PPP4R1: variants seen among roughly 807,000 people sequenced by gnomAD.
PPP4R1 encodes protein phosphatase 4 regulatory subunit 1.
PPP4R1 carries 42 observed loss-of-function variants against 111.2 expected under a neutral mutation model. The ratio of observed to expected loss-of-function variants is 0.38; its 90% CI spans 0.29 to 0.49. The LOEUF (loss-of-function observed/expected upper bound fraction) is 0.49, where lower values mean the gene tolerates loss of function less well. PPP4R1 is among the 20% of genes least tolerant of loss of function. PPP4R1 has a pLI of 0.97. For missense variants in PPP4R1, 1,012 were observed against 1,161.6 expected, an observed-to-expected ratio of 0.87 and a Z score of 1.87; for synonymous variants, 409 against 405.5, an observed-to-expected ratio of 1.01 and a Z score of -0.10.
chr18:9,555,945 G>A (rs1198693109), intron 15 of PPP4R1, among the ~76,000 whole-genome samples: 7 of 150,980 alleles, frequency 4.6e-5, no homozygotes, highest in South Asian at 2.1e-4. Flanking sequence ...GACCATCCTG[G>A]CCAACACGGT....
chr18:9,598,890 G>C (rs891304312), intron 2 of PPP4R1, among the ~76,000 whole-genome samples: 2 of 152,000 alleles, frequency 1.3e-5, no homozygotes, highest in African/African-American at 4.8e-5. Flanking sequence ...GCTGGGCATG[G>C]TGGCGTGCAC....
Position 9,557,217 on chromosome 18 carries a change from T to G in PPP4R1, c.2190+4A>C. Reference sequence around the variant, plus strand: ...GTTTTTATGCAAAAAAATTTAAAAGTTACCTTCAGAAAATCATGCAAGTGT... The same window carrying G: ...GTTTTTATGCAAAAAAATTTAAAAGGTACCTTCAGAAAATCATGCAAGTGT... On this transcript the variant is annotated splice_donor_region_variant and intron_variant, in intron 15 of 19. Transcript: ENST00000400556. The G allele has an allele frequency of 1.3e-6, 2 of 1,568,332 alleles. No homozygotes were observed. The highest frequency in any genetic ancestry group is 1.7e-6 in the Non-Finnish European group (2 of 1,164,478).
intron 19 of PPP4R1, 54 bp downstream of exon 19, chr18:9,549,143 T>C: frequency 6.3e-7 from 1 of 1,581,524 alleles, no homozygotes; most frequent in African/African-American, 1.3e-5. Flanking sequence ...TCCAGTGCAG[T>C]CCACAGACCT....
intron 4 of PPP4R1, 43 bp from the exon 5 acceptor site, chr18:9,588,896 G>T: frequency 6.3e-7 from 1 of 1,597,956 alleles, no homozygotes; most frequent in South Asian, 1.1e-5. Context: ...TTCTCCTGCA[G>T]CAACAAAACC....
intron 3 of PPP4R1, 198 bp from the exon 4 acceptor site, chr18:9,594,072 C>T (rs2067254356): frequency 1.5e-5 from 7 of 482,206 alleles, no homozygotes; most frequent in Non-Finnish European, 2.7e-5. Flanking sequence ...AGACTACAGG[C>T]ATGCACCACC....
intron 2 of PPP4R1, among the ~76,000 whole-genome samples, chr18:9,610,156 C>T (rs535758390): frequency 2.3e-4 from 35 of 152,352 alleles, no homozygotes; most frequent in African/African-American, 7.9e-4. Flanking sequence ...GTATCTTAGT[C>T]TCATTTCATT....
In PPP4R1 at chr18:9,614,524, G is replaced by T. The variant is rs2067656037; in HGVS notation, c.-40C>A. The T allele has an allele frequency of 9.9e-7, 1 of 1,011,692 alleles. No homozygotes were observed. The highest frequency in any genetic ancestry group is 4.9e-4 in the Middle Eastern group (1 of 2,058). 62.7% of individuals were successfully genotyped at this position (1,011,692 alleles called of 1,614,324 possible). Reference sequence around the variant, plus strand: ...CTCCTCCGCGGCCGCCCGGGGAGCCGGGGCTACATGGAGCGGCGCGAGCCG... The same window carrying T: ...CTCCTCCGCGGCCGCCCGGGGAGCCTGGGCTACATGGAGCGGCGCGAGCCG... On this transcript the variant is annotated 5_prime_UTR_variant, in exon 1 of 20. Transcript: ENST00000400556. The surrounding 1 kb of genome is among the most constrained non-coding windows in gnomAD (Gnocchi z 4.1).
chr18:9,580,620 G>A (rs1451537403), intron 9 of PPP4R1, among the ~76,000 whole-genome samples: 1 of 152,100 alleles, frequency 6.6e-6, no homozygotes, highest in African/African-American at 2.4e-5. Context: ...AAAGTGCTGG[G>A]ATTACAGGTG....
intron 4 of PPP4R1, among the ~76,000 whole-genome samples, chr18:9,592,378 C>T (rs1383072618): frequency 3.9e-5 from 6 of 152,144 alleles, no homozygotes; most frequent in Non-Finnish European, 8.8e-5. Flanking sequence ...ATGCCCTTTT[C>T]CCTCTCTATA....
At chr18:9,570,028 G>GT in intron 11 of PPP4R1, 129 bp downstream of exon 11, 1 of 977,726 alleles carries the variant, frequency 1.0e-6, no homozygotes, top group Non-Finnish European at 1.4e-6. Flanking sequence ...GGTATTATAG[G>GT]TATGAGTCAC....
At chr18:9,572,982 A>G (rs541632732) in intron 10 of PPP4R1, among the ~76,000 whole-genome samples, 1 of 152,318 alleles carries the variant, frequency 6.6e-6, no homozygotes, top group Non-Finnish European at 1.5e-5. Context: ...TGAACCTTTT[A>G]AGGACTTCTA....
At chr18:9,592,900 A>G (rs1469079696) in intron 4 of PPP4R1, among the ~76,000 whole-genome samples, 2 of 152,196 alleles carry the variant, frequency 1.3e-5, no homozygotes, top group African/African-American at 4.8e-5. Context: ...ATACATAAGC[A>G]ATTATGTACA....
intron 15 of PPP4R1, among the ~76,000 whole-genome samples, chr18:9,553,685 G>C (rs545031814): frequency 2.6e-5 from 4 of 152,226 alleles, no homozygotes; most frequent in Middle Eastern, 3.4e-3. Context: ...ACAGTACCCC[G>C]GGCACAGCCT....
chr18:9,555,959 A>T (rs140748247), intron 15 of PPP4R1, among the ~76,000 whole-genome samples: 7,337 of 149,262 alleles, frequency 0.049, 543 homozygotes, highest in African/African-American at 0.16. Context: ...ACACGGTGAA[A>T]CCCCATCTCT....
In PPP4R1 at chr18:9,588,075, G is replaced by A. The variant is rs1337252288; in HGVS notation, c.585+14C>T. ...CCACATTTTGCATAAGTGGAAAAAT[G>A]GCATTTGACTTACAGCCACAGCTTC... On this transcript the variant is annotated intron_variant, in intron 6 of 19. Transcript: ENST00000400556. 6.2e-7 allele frequency: 1 copy of A among 1,613,118 alleles called. No individual in the cohort carries two copies. The highest frequency in any genetic ancestry group is 8.5e-7 in the Non-Finnish European group (1 of 1,179,616).
intron 13 of PPP4R1, among the ~76,000 whole-genome samples, chr18:9,560,412 T>A (rs573028468): frequency 0.19 from 99 of 522 alleles, no homozygotes; most frequent in Non-Finnish European, 0.32. Context: ...CTTGCTTAGG[T>A]GTGTATAAAT....
intron 9 of PPP4R1, among the ~76,000 whole-genome samples, chr18:9,578,794 T>A (rs1006982052): frequency 3.3e-5 from 5 of 152,188 alleles, no homozygotes; most frequent in African/African-American, 1.2e-4. Context: ...CTCCCCTTCG[T>A]AAGTCACTTA....
chr18:9,561,488 G>C (rs1224192780), intron 13 of PPP4R1, among the ~76,000 whole-genome samples: 1 of 152,134 alleles, frequency 6.6e-6, no homozygotes, highest in African/African-American at 2.4e-5. Context: ...AAAGAAAAGA[G>C]CAAGGCAAGG....
chr18:9,559,468 T>C lies in PPP4R1; in HGVS notation c.1979A>G (p.Asn660Ser), dbSNP rs769181098. The C allele has an allele frequency of 6.2e-7, 1 of 1,613,796 alleles. No individual in the cohort carries two copies. Among genetic ancestry groups the C allele is most frequent in the Admixed American group, 1.7e-5 (1 of 59,996 alleles). The stretch of plus-strand genomic sequence containing the variant: ...ATACGTCTCTCTCAGGCAGTGCCAA[T>C]TCTGTCTTCCGAGTGTCAAGGCCAC... ...PGVALTLGRQ[N>S]WHCLRETYET... Residue 660 changes from asparagine (N) to serine (S), a missense_variant, in exon 14 of 20, where the codon AAT (asparagine) becomes AGT (serine). Physicochemically the swap from Asn to Ser is conservative, Grantham distance 46 (BLOSUM62 1). Transcript: ENST00000400556.
Sources: allele counts gnomAD v4.1 joint callset (sites outside exome capture counted in the v4.1 genomes callset), GRCh38; gene constraint gnomAD v4.1.1; non-coding constraint Gnocchi (gnomAD v3.1); transcripts MANE v1.5; gene names NCBI Gene and HGNC (gene_info 2026-07-23, HGNC 2026-07-21).